The following PCNT variants were observed in gnomAD, a reference collection of about 807,000 sequenced individuals.
PCNT encodes pericentrin.
A neutral mutation model predicts 380.4 loss-of-function variants in PCNT; 319 were observed. The ratio of observed to expected loss-of-function variants is 0.84; its 90% CI spans 0.77 to 0.92. PCNT has a LOEUF of 0.92. Among genes scored for constraint, PCNT ranks in the 40% least tolerant of loss-of-function variants. The pLI is 0.00. For missense variants in PCNT, 4,400 were observed against 4,255.3 expected, an observed-to-expected ratio of 1.03 and a Z score of -0.95; for synonymous variants, 1,845 against 1,735.2, an observed-to-expected ratio of 1.06 and a Z score of -1.57.
At position 46,366,577 on chromosome 21, in the gene PCNT, G is replaced by T; in HGVS notation, c.2610-7G>T. 6.2e-7 allele frequency: 1 copy of T among 1,613,144 alleles called. No individual in the cohort carries two copies. Among genetic ancestry groups the T allele is most frequent in the South Asian group, 1.1e-5 (1 of 91,022 alleles). ...TTAACTGTCCTGTGTTCACTTTGTT[G>T]CCGCAGGTTTTTAGAGGAACGTAAA... On this transcript the variant is annotated splice_region_variant and splice_polypyrimidine_tract_variant and intron_variant, in intron 14 of 46. Transcript: ENST00000359568.
At chr21:46,401,830 C>G (rs574549418) in intron 26 of PCNT, 109 bp downstream of exon 26, 1 of 1,008,244 alleles carries the variant, frequency 9.9e-7, no homozygotes, top group Admixed American at 2.2e-5. Context: ...CTTGTGACCA[C>G]TGTGTATTCT....
At chr21:46,437,825 G>A (rs757469759) in intron 40 of PCNT, among the ~76,000 whole-genome samples, 8 of 152,224 alleles carry the variant, frequency 5.3e-5, no homozygotes, top group African/African-American at 1.4e-4. Context: ...CAGGCTGAAC[G>A]TCCTTTTGAT....
Position 46,382,969 on chromosome 21 carries a change from G to C in PCNT, c.3312+1129G>C, listed in dbSNP as rs1229397913. On this transcript the variant is annotated intron_variant, in intron 16 of 46. Transcript: ENST00000359568. ...ATTCAGTGACGGAAGCGCATTCACAGTGCTGTGCATTCAGTGGCGGAAGCC... is the reference window on the plus strand; with the variant it reads ...ATTCAGTGACGGAAGCGCATTCACACTGCTGTGCATTCAGTGGCGGAAGCC... 1.8e-4 allele frequency among the ~76,000 whole-genome samples: 22 copies of C among 124,858 alleles called. 1 individual carries two copies. Among genetic ancestry groups the C allele is most frequent in the Admixed American group, 9.7e-4 (13 of 13,458 alleles). The allele number at this position is 124,858 out of a possible 152,430, so 81.9% of individuals were successfully genotyped here.
chr21:46,445,371 A>G lies in PCNT; in HGVS notation c.*44A>G. 2 of 1,490,694 alleles carry G rather than the reference A, an allele frequency of 1.3e-6. No homozygotes were observed. The highest frequency in any genetic ancestry group is 1.7e-5 in the Admixed American group (1 of 59,884). The allele number at this position is 1,490,694 out of a possible 1,614,324, so 92.3% of individuals were successfully genotyped here. On this transcript the variant is annotated 3_prime_UTR_variant, in exon 47 of 47. Coordinates refer to ENST00000359568, the MANE Select transcript of PCNT (RefSeq NM_006031.6). The stretch of plus-strand genomic sequence containing the variant: ...TTCCTGCGACAATTCTATTTGAGGA[A>G]AAGATTTGTTTTTCCCTTTTCCCAA...
At position 46,427,670 on chromosome 21, in the gene PCNT, G is replaced by A. The variant is rs1294497811; in HGVS notation, c.7369G>A (p.Val2457Met). The part of the protein sequence containing the change: ...PDWRGDLLQV[V>M]QEAFEKEQEM... ...TTGGAGAGGGGACCTTCTGCAGGTTGTGCAAGAGGCCTTTGAAAAAGAGCA... is the reference window on the plus strand; with the variant it reads ...TTGGAGAGGGGACCTTCTGCAGGTTATGCAAGAGGCCTTTGAAAAAGAGCA... The change falls in exon 34 of 47, where the codon GTG becomes ATG. Residue 2457 changes from valine to methionine, a missense_variant. By Grantham distance (21) the Val-to-Met change is conservative. Coordinates refer to ENST00000359568, the MANE Select transcript of PCNT (RefSeq NM_006031.6). 5 of 1,613,872 alleles carry A rather than the reference G, an allele frequency of 3.1e-6. No homozygotes were observed. The highest frequency in any genetic ancestry group is 3.4e-6 in the Non-Finnish European group (4 of 1,180,032).
intron 17 of PCNT, among the ~76,000 whole-genome samples, chr21:46,387,709 C>T (rs967753638): frequency 6.6e-6 from 1 of 152,164 alleles, no homozygotes; most frequent in Non-Finnish European, 1.5e-5. Context: ...CCGTTGTCAC[C>T]TCACGGTCCC....
In PCNT at chr21:46,402,478, T is replaced by C. The variant is rs1279517646; in HGVS notation, c.5110T>C (p.Leu1704=). 1.2e-6 allele frequency: 2 copies of C among 1,613,990 alleles called. No individual in the cohort carries two copies. The highest frequency in any genetic ancestry group is 8.5e-7 in the Non-Finnish European group (1 of 1,179,936). Residue 1704 remains leucine (L), a synonymous_variant, in exon 27 of 47, where the codon TTG becomes CTG. Transcript: ENST00000359568. ...LRELEEENTS[L]KVIYTRSSEI... is the part of the protein sequence containing the mutation. ...AGAACTTGAGGAAGAGAACACGAGCTTGAAGGTAAGCTACCAAAGGTCCAC... is the reference window on the plus strand; with the variant it reads ...AGAACTTGAGGAAGAGAACACGAGCCTGAAGGTAAGCTACCAAAGGTCCAC...
intron 3 of PCNT, among the ~76,000 whole-genome samples, chr21:46,342,730 G>A (rs2083944789): frequency 6.6e-6 from 1 of 151,630 alleles, no homozygotes; most frequent in Non-Finnish European, 1.5e-5. Context: ...TAGTAGAGAC[G>A]GAGTTTCAGC....
intron 16 of PCNT, among the ~76,000 whole-genome samples, chr21:46,385,485 T>G (rs995615922): frequency 6.6e-6 from 1 of 152,246 alleles, no homozygotes; most frequent in African/African-American, 2.4e-5. Flanking sequence ...AGCCTCAGGT[T>G]CCACCTGGGG....
At chr21:46,387,346 A>T (rs1237573523) in intron 17 of PCNT, among the ~76,000 whole-genome samples, 1 of 152,002 alleles carries the variant, frequency 6.6e-6, no homozygotes, top group African/African-American at 2.4e-5. Context: ...CTCTCCAGTC[A>T]CCCAGGTCAG....
At chr21:46,379,243 G>A (rs998590885) in intron 15 of PCNT, among the ~76,000 whole-genome samples, 7 of 137,862 alleles carry the variant, frequency 5.1e-5, no homozygotes, top group Admixed American at 2.1e-4. Flanking sequence ...GCTGCGTGTC[G>A]TGAGCTGCGC....
At position 46,357,054 on chromosome 21, in the gene PCNT, C is replaced by G; in HGVS notation, c.2017C>G (p.Leu673Val). 6.2e-7 allele frequency: 1 copy of G among 1,614,208 alleles called. No homozygotes were observed. ...DTERAARVLG[L>V]ETEHKVQLSL... is the part of the protein sequence containing the mutation. ...AGAGCGGGCAGCCAGAGTCTTGGGTCTGGAAACTGAGCACAAGGTGCAACT... is the reference window on the plus strand; with the variant it reads ...AGAGCGGGCAGCCAGAGTCTTGGGTGTGGAAACTGAGCACAAGGTGCAACT... The change falls in exon 13 of 47, where the codon CTG becomes GTG. Residue 673 changes from leucine to valine, a missense_variant. Coordinates refer to ENST00000359568, the MANE Select transcript of PCNT (RefSeq NM_006031.6).
intron 21 of PCNT, among the ~76,000 whole-genome samples, chr21:46,393,179 G>A (rs117486730): frequency 2.0e-4 from 31 of 152,224 alleles, no homozygotes; most frequent in South Asian, 2.1e-4. Context: ...GGGGGAGTGC[G>A]GGGGAACCTC....
At chr21:46,390,595 G>GGCGTTCTCTT in intron 19 of PCNT, 75 bp from the exon 20 acceptor site, 1 of 1,510,450 alleles carries the variant, frequency 6.6e-7, no homozygotes, top group Non-Finnish European at 9.2e-7. Flanking sequence ...GGGTAGAAGT[G>GGCGTTCTCTT]GCGTTCTCTT....
chr21:46,438,167 AAAAT>A lies in PCNT; in HGVS notation c.9104_9107del (p.Lys3035ArgfsTer14). ...AATTTATTTTCTTTTCTCCAAGAAA[AAAAT>A]GGCAGCAGAGCTGCAGTTCCAGTTT... On this transcript the variant is annotated frameshift_variant, in exon 41 of 47. Coordinates refer to ENST00000359568, the MANE Select transcript of PCNT (RefSeq NM_006031.6). LOFTEE classifies it high-confidence loss of function. The A allele has an allele frequency of 6.2e-7, 1 of 1,613,526 alleles. No homozygotes were observed. The highest frequency in any genetic ancestry group is 8.5e-7 in the Non-Finnish European group (1 of 1,179,442).
At chr21:46,442,383 C>A in intron 43 of PCNT, 114 bp from the exon 44 acceptor site, 1 of 726,888 alleles carries the variant, frequency 1.4e-6, no homozygotes, top group East Asian at 2.7e-5. Context: ...CGTCCTGGTC[C>A]CCATGGGCAG....
At chr21:46,408,902 T>G (rs2086698183) in intron 27 of PCNT, among the ~76,000 whole-genome samples, 1 of 151,828 alleles carries the variant, frequency 6.6e-6, no homozygotes, top group South Asian at 2.1e-4. Context: ...TTTAATGTTT[T>G]TAGTAGAGAC....
Position 46,391,380 on chromosome 21 carries a change from A to G in PCNT, c.4216+4A>G, listed in dbSNP as rs2086027107. The G allele has an allele frequency of 3.2e-6, 5 of 1,546,944 alleles. No homozygotes were observed. The highest frequency in any genetic ancestry group is 2.0e-5 in the Admixed American group (1 of 50,930). The stretch of plus-strand genomic sequence containing the variant: ...GACGCCGAGGCCAGAGAAGCTGGTA[A>G]GGAGCGCGGGCTGTGGAGGGTGGTG... On this transcript the variant is annotated splice_donor_region_variant and intron_variant, in intron 21 of 46. Coordinates refer to ENST00000359568, the MANE Select transcript of PCNT (RefSeq NM_006031.6).
rs115370494 is a variant in PCNT, at chr21:46,397,508, A to G, written c.4446+14A>G. ...CAATTCATGGATGTAAGAATTCTGA[A>G]TAATACATTTTTTTGCATCACTAAA... On this transcript the variant is annotated intron_variant, in intron 22 of 46. Coordinates refer to ENST00000359568, the MANE Select transcript of PCNT (RefSeq NM_006031.6). The G allele has an allele frequency of 8.1e-6, 13 of 1,602,626 alleles. No homozygotes were observed. Among genetic ancestry groups the G allele is most frequent in the African/African-American group, 2.7e-5 (2 of 74,836 alleles).
Sources: gnomAD v4.1 joint callset for allele counts (sites outside exome capture counted in the v4.1 genomes callset) on GRCh38, gnomAD v4.1.1 for gene constraint, MANE v1.5 for transcripts, NCBI Gene and HGNC (gene_info 2026-07-23, HGNC 2026-07-21) for gene names.